Variants in TMC1 observed in about 807,000 individuals in gnomAD.
The protein encoded by TMC1 is transmembrane channel like 1.
TMC1 carries 84 observed loss-of-function variants against 105.8 expected under a neutral mutation model. The observed-to-expected ratio is 0.79, with a 90% CI of 0.67 to 0.95. The LOEUF (loss-of-function observed/expected upper bound fraction) is 0.95, where lower values mean the gene tolerates loss of function less well. Among genes scored for constraint, TMC1 ranks in the 40% least tolerant of loss-of-function variants. TMC1 has a pLI of 0.00. For synonymous variants in TMC1, 315 were observed against 311.5 expected, an observed-to-expected ratio of 1.01 and a Z score of -0.12; for missense variants, 817 against 914.1, an observed-to-expected ratio of 0.89 and a Z score of 1.37.
intron 1 of TMC1, among the ~76,000 whole-genome samples, chr9:72,570,851 G>A (rs1430303282): frequency 6.7e-6 from 1 of 149,644 alleles, no homozygotes; most frequent in Non-Finnish European, 1.5e-5. Flanking sequence ...ACCATGCTTG[G>A]CTAATTTTTG....
intron 17 of TMC1, among the ~76,000 whole-genome samples, chr9:72,797,054 G>A (rs189704239): frequency 1.1e-4 from 16 of 152,082 alleles, no homozygotes; most frequent in South Asian, 2.1e-4. Flanking sequence ...AAAATTGCTC[G>A]CATTCTTATA....
At chr9:72,547,270 G>A (rs1348406488) in intron 1 of TMC1, among the ~76,000 whole-genome samples, 1 of 137,538 alleles carries the variant, frequency 7.3e-6, no homozygotes, top group Non-Finnish European at 1.5e-5. Context: ...CTGGGCAACA[G>A]AGCGAGACTC....
At chr9:72,567,994 G>T (rs1415663340) in intron 1 of TMC1, among the ~76,000 whole-genome samples, 1 of 151,926 alleles carries the variant, frequency 6.6e-6, no homozygotes, top group African/African-American at 2.4e-5. Context: ...TGGCCTGTGA[G>T]TACTGAATTT....
Position 72,713,988 on chromosome 9 carries a change from A to G in TMC1, c.362+13345A>G, listed in dbSNP as rs116862273. Among the ~76,000 whole-genome samples, 688 of 152,274 alleles carry G rather than the reference A, an allele frequency of 4.5e-3. 3 individuals are homozygous for G. Among genetic ancestry groups the G allele is most frequent in the Non-Finnish European group, 7.6e-3 (519 of 68,024 alleles). On this transcript the variant is annotated intron_variant, in intron 8 of 23. Transcript: ENST00000297784. ...TTGTTTCTTTGTTCTCATTGGCTTC[A>G]AAGAACATCTTTATTTGTGCCTTAA...
chr9:72,682,566 T>G (rs879003296), intron 5 of TMC1, among the ~76,000 whole-genome samples: 2 of 152,214 alleles, frequency 1.3e-5, no homozygotes, highest in Admixed American at 1.3e-4. Context: ...GTAGCAAAGA[T>G]AAAGGGAGCT....
intron 1 of TMC1, among the ~76,000 whole-genome samples, chr9:72,550,858 A>C (rs919686464): frequency 2.6e-5 from 4 of 152,122 alleles, no homozygotes; most frequent in Admixed American, 1.3e-4. Context: ...AAGTGTGACT[A>C]AATTTAGAAT....
At chr9:72,676,610 A>G (rs1330573174) in intron 5 of TMC1, among the ~76,000 whole-genome samples, 1 of 152,158 alleles carries the variant, frequency 6.6e-6, no homozygotes. Flanking sequence ...AAACTCAAAC[A>G]TGTCTCTGTC....
rs115248142 is a variant in TMC1 at position 72,765,858 on chromosome 9, C to T, written c.742-6555C>T. Among the ~76,000 whole-genome samples, 705 of 152,274 alleles carry T rather than the reference C, an allele frequency of 4.6e-3. 6 individuals carry two copies. The highest frequency in any genetic ancestry group is 0.015 in the African/African-American group (627 of 41,556). On this transcript the variant is annotated intron_variant, in intron 12 of 23. Transcript: ENST00000297784. ...TTGGGCATAGGGTCTAGAATTCCCA[C>T]TGTTAGTGTCAGTCGTGGGCCATGG... is the stretch of plus-strand genomic sequence containing the variant.
intron 5 of TMC1, among the ~76,000 whole-genome samples, chr9:72,683,773 A>G (rs1826332854): frequency 7.5e-6 from 1 of 134,190 alleles, no homozygotes; most frequent in Non-Finnish European, 1.6e-5. Context: ...ATATATATAT[A>G]TGTTAAAAAT....
chr9:72,822,665 C>T (rs1828895450), intron 20 of TMC1, among the ~76,000 whole-genome samples: 1 of 152,108 alleles, frequency 6.6e-6, no homozygotes, highest in Non-Finnish European at 1.5e-5. Context: ...CCGAACCAAT[C>T]TCAGAGTACA....
In TMC1 at chr9:72,836,235, T is replaced by A; in HGVS notation, c.*262T>A. The A allele has an allele frequency of 3.9e-6, 2 of 515,028 alleles. No homozygotes were observed. Among genetic ancestry groups the A allele is most frequent in the Non-Finnish European group, 7.0e-6 (2 of 287,460 alleles). 31.9% of individuals were successfully genotyped at this position (515,028 alleles called of 1,614,324 possible). On this transcript the variant is annotated 3_prime_UTR_variant, in exon 24 of 24. Coordinates refer to ENST00000297784, the MANE Select transcript of TMC1 (RefSeq NM_138691.3). ...CATTTCGTGACTTTTTTTTTTTTTTTAACAAATTGAGTTTAGAAGTGAGTG... is the reference window on the plus strand; with the variant it reads ...CATTTCGTGACTTTTTTTTTTTTTTAAACAAATTGAGTTTAGAAGTGAGTG...
At chr9:72,673,089 A>T (rs1031189944) in intron 5 of TMC1, among the ~76,000 whole-genome samples, 1 of 152,188 alleles carries the variant, frequency 6.6e-6, no homozygotes, top group African/African-American at 2.4e-5. Flanking sequence ...AATATTTGGT[A>T]ACTAATATCA....
At chr9:72,827,095 T>C in intron 21 of TMC1, 101 bp downstream of exon 21, 1 of 1,481,286 alleles carries the variant, frequency 6.8e-7, no homozygotes, top group Non-Finnish European at 9.4e-7. Context: ...CTAAGGGTTC[T>C]GCTGTAACCT....
chr9:72,555,973 C>CAAAAAAAAAAAAAA (rs59431883), intron 1 of TMC1, among the ~76,000 whole-genome samples: 2 of 42,566 alleles, frequency 4.7e-5, no homozygotes, highest in African/African-American at 1.9e-4. Flanking sequence ...ATGACTAAGG[C>CAAAAAAAAAAAAAA]AAAAAAAAAA....
In TMC1 at chr9:72,820,702, T is replaced by C. The variant is rs1290574265; in HGVS notation, c.1764-140T>C. On this transcript the variant is annotated intron_variant, in intron 19 of 23. Coordinates refer to ENST00000297784, the MANE Select transcript of TMC1 (RefSeq NM_138691.3). ...GAAATAGATAAGTGCAGTTTCTTTA[T>C]GAAAAGGGTTTGTCTGGTTGAAAGT... 2.9e-6 allele frequency: 3 copies of C among 1,031,932 alleles called. No homozygotes were observed. The East Asian group carries it at 7.4e-5, about 25-fold the overall frequency. The allele number at this position is 1,031,932 out of a possible 1,614,324, so 63.9% of individuals were successfully genotyped here.
rs149836306 is a variant in TMC1, at chr9:72,549,032, T to G, written c.-428+27119T>G. 4.3e-3 allele frequency among the ~76,000 whole-genome samples: 657 copies of G among 152,314 alleles called. 7 individuals carry two copies. Among genetic ancestry groups the G allele is most frequent in the African/African-American group, 0.015 (634 of 41,562 alleles). ...GGACATGAAATAAATATTTGTGGAATAAATAAGTGAAGAAGAATTTTAGAA... is the reference window on the plus strand; with the variant it reads ...GGACATGAAATAAATATTTGTGGAAGAAATAAGTGAAGAAGAATTTTAGAA... On this transcript the variant is annotated intron_variant, in intron 1 of 23. Coordinates refer to ENST00000297784, the MANE Select transcript of TMC1 (RefSeq NM_138691.3).
At chr9:72,753,397 G>T (rs539971544) in intron 11 of TMC1, among the ~76,000 whole-genome samples, 4 of 149,860 alleles carry the variant, frequency 2.7e-5, no homozygotes, top group Non-Finnish European at 5.9e-5. Flanking sequence ...TATAAATGGA[G>T]TTTTATCAGC....
At chr9:72,805,013 A>T (rs1828547620) in intron 17 of TMC1, among the ~76,000 whole-genome samples, 1 of 152,134 alleles carries the variant, frequency 6.6e-6, no homozygotes, top group African/African-American at 2.4e-5. Flanking sequence ...CTCACCCTCT[A>T]TCATATACGT....
intron 5 of TMC1, among the ~76,000 whole-genome samples, chr9:72,680,675 C>T (rs1826271743): frequency 6.6e-6 from 1 of 151,896 alleles, no homozygotes; most frequent in Non-Finnish European, 1.5e-5. Context: ...CTGTTGTAGC[C>T]CCTCCCTCAC....
Sources: allele counts gnomAD v4.1 joint callset (sites outside exome capture counted in the v4.1 genomes callset), GRCh38; gene constraint gnomAD v4.1.1; transcripts MANE v1.5; gene names NCBI Gene and HGNC (gene_info 2026-07-23, HGNC 2026-07-21).